TMTC2: variants seen among roughly 807,000 people sequenced by gnomAD.
The protein encoded by TMTC2 is protein O-mannosyl-transferase TMTC2.
TMTC2 carries 43 observed loss-of-function variants against 82.4 expected under a neutral mutation model. The ratio of observed to expected loss-of-function variants is 0.52; its 90% confidence interval spans 0.41 to 0.67. The LOEUF is 0.67. TMTC2 is among the 30% of genes least tolerant of loss of function. The probability of loss-of-function intolerance (pLI) is 0.00; values close to 1 mark genes in which losing one functional copy is unlikely to be tolerated. For missense variants in TMTC2, 919 were observed against 1,012.4 expected (o/e 0.91, Z 1.25); for synonymous variants, 408 against 381.9 (o/e 1.07, Z -0.80).
intron 1 of TMTC2, among the ~76,000 whole-genome samples, chr12:82,776,322 A>T (rs1200802512): frequency 6.6e-6 from 1 of 152,094 alleles, no homozygotes; most frequent in Non-Finnish European, 1.5e-5. Flanking sequence ...GTGTGGTGCT[A>T]TAAGTAGTCC....
At chr12:82,843,669 C>T (rs910619323) in intron 1 of TMTC2, among the ~76,000 whole-genome samples, 5 of 151,704 alleles carry the variant, frequency 3.3e-5, no homozygotes, top group African/African-American at 7.3e-5. Flanking sequence ...TGATTTGGGC[C>T]GGGTGTGGTG....
chr12:82,941,541 C>T lies in TMTC2; in HGVS notation c.1598+10996C>T, dbSNP rs17727549. Among the ~76,000 whole-genome samples, 851 of 152,204 alleles carry T rather than the reference C, an allele frequency of 5.6e-3. 6 individuals are homozygous for T. The highest frequency in any genetic ancestry group is 0.041 in the Middle Eastern group (12 of 294). On this transcript the variant is annotated intron_variant, in intron 4 of 11. Transcript: ENST00000321196. ...CAAGTTTGCTGACCCCTTGTCCTGTCCTTGCAACCTGTCTGACCCACTTCT... is the reference window on the plus strand; with the variant it reads ...CAAGTTTGCTGACCCCTTGTCCTGTTCTTGCAACCTGTCTGACCCACTTCT...
At chr12:82,707,752 A>G (rs1334328311) in intron 1 of TMTC2, among the ~76,000 whole-genome samples, 1 of 152,162 alleles carries the variant, frequency 6.6e-6, no homozygotes, top group Non-Finnish European at 1.5e-5. Context: ...CAGGAAACAC[A>G]CTCTGTTAGG....
chr12:82,872,702 A>G (rs1378810583), intron 2 of TMTC2, among the ~76,000 whole-genome samples: 2 of 152,170 alleles, frequency 1.3e-5, no homozygotes, highest in Non-Finnish European at 1.5e-5. Flanking sequence ...CATGTGTCTA[A>G]TGGTGTCCTA....
intron 11 of TMTC2, among the ~76,000 whole-genome samples, chr12:83,088,792 C>T (rs886863175): frequency 3.9e-5 from 6 of 152,086 alleles, no homozygotes; most frequent in East Asian, 1.9e-4. Flanking sequence ...ACTTCTCTTC[C>T]GGGTTGAGCA....
chr12:82,959,620 T>C lies in TMTC2; in HGVS notation c.1599-5404T>C, dbSNP rs1877808373. Among the ~76,000 whole-genome samples, 4 of 152,226 alleles carry C rather than the reference T, an allele frequency of 2.6e-5. 1 individual carries two copies. The highest frequency in any genetic ancestry group is 2.6e-4 in the Admixed American group (4 of 15,268). On this transcript the variant is annotated intron_variant, in intron 4 of 11. Coordinates refer to ENST00000321196, the MANE Select transcript of TMTC2 (RefSeq NM_152588.3). ...TAATGCTGGGATAGCTGGCTAGCCA[T>C]ATGCATGAAATCAAATTGGATCCCT... is the stretch of plus-strand genomic sequence containing the variant.
chr12:82,829,818 C>T (rs892331811), intron 1 of TMTC2, among the ~76,000 whole-genome samples: 1 of 152,052 alleles, frequency 6.6e-6, no homozygotes, highest in Non-Finnish European at 1.5e-5. Context: ...AGGGAGTCAA[C>T]TAGGTGAAGG....
chr12:82,855,466 A>G lies in TMTC2; in HGVS notation c.84-1544A>G, dbSNP rs1364881967. ...TTGAACATCATTAAGACAGTCTCCC[A>G]CAACATAGTCTTTATCCACACAGAT... On this transcript the variant is annotated intron_variant, in intron 1 of 11. Coordinates refer to ENST00000321196, the MANE Select transcript of TMTC2 (RefSeq NM_152588.3). Among the ~76,000 whole-genome samples, 5 of 152,150 alleles carry G rather than the reference A, an allele frequency of 3.3e-5. No individual in the cohort carries two copies. The East Asian group carries it at 9.6e-4, about 29-fold the overall frequency.
chr12:82,961,493 C>G (rs1416688839), intron 4 of TMTC2, among the ~76,000 whole-genome samples: 2 of 151,998 alleles, frequency 1.3e-5, no homozygotes, highest in East Asian at 3.9e-4. Context: ...TGAAGTATTT[C>G]ATCTCTTTTC....
intron 11 of TMTC2, among the ~76,000 whole-genome samples, chr12:83,105,263 C>T (rs1884356749): frequency 6.6e-6 from 1 of 152,114 alleles, no homozygotes; most frequent in Non-Finnish European, 1.5e-5. Flanking sequence ...CAACCTCTGC[C>T]CATTACCAAG....
chr12:83,130,721 C>G (rs747070936), intron 11 of TMTC2, among the ~76,000 whole-genome samples: 1 of 152,030 alleles, frequency 6.6e-6, no homozygotes, highest in African/African-American at 2.4e-5. Context: ...GAAAATTGAT[C>G]GTGATATTTG....
At chr12:83,060,070 A>T (rs1882685329) in intron 10 of TMTC2, among the ~76,000 whole-genome samples, 1 of 151,610 alleles carries the variant, frequency 6.6e-6, no homozygotes, top group Non-Finnish European at 1.5e-5. Context: ...CTAGTGAGGG[A>T]ATTTTTACTG....
chr12:82,851,477 C>A (rs989351642), intron 1 of TMTC2, among the ~76,000 whole-genome samples: 12 of 152,162 alleles, frequency 7.9e-5, no homozygotes, highest in African/African-American at 2.9e-4. Flanking sequence ...CATTATATTG[C>A]ATGTAATCAT....
In TMTC2 at chr12:82,805,497, C is replaced by CTT. The variant is rs753878105; in HGVS notation, c.84-51486_84-51485dup. On this transcript the variant is annotated intron_variant, in intron 1 of 11. Coordinates refer to ENST00000321196, the MANE Select transcript of TMTC2 (RefSeq NM_152588.3). ...TAGTAAGTTTACTCTCCTCTCCCCA[C>CTT]TTTTTTTTTTTTTTTTTTTTTTTTT... 8.8e-3 allele frequency among the ~76,000 whole-genome samples: 796 copies of CTT among 90,584 alleles called. 142 individuals are homozygous for CTT. The highest frequency in any genetic ancestry group is 0.028 in the African/African-American group (572 of 20,712). The allele number at this position is 90,584 out of a possible 152,430, so 59.4% of individuals were successfully genotyped here. A position where few individuals can be genotyped will look rare whatever the true frequency, so the allele number is the denominator to read the frequency against.
intron 8 of TMTC2, among the ~76,000 whole-genome samples, chr12:83,008,890 T>C (rs1880326055): frequency 6.6e-6 from 1 of 152,218 alleles, no homozygotes; most frequent in Admixed American, 6.5e-5. Flanking sequence ...CCCTTAGTAC[T>C]CTTTCTCTGA....
intron 7 of TMTC2, among the ~76,000 whole-genome samples, chr12:82,982,717 A>G (rs1878976908): frequency 6.6e-6 from 1 of 151,998 alleles, no homozygotes; most frequent in East Asian, 1.9e-4. Flanking sequence ...ACAAGCTAGA[A>G]AATGATTTTC....
intron 4 of TMTC2, among the ~76,000 whole-genome samples, chr12:82,961,710 C>G (rs1369335047): frequency 6.6e-6 from 1 of 152,028 alleles, no homozygotes; most frequent in African/African-American, 2.4e-5. Flanking sequence ...TATTTGGACT[C>G]CAGACCTTTC....
chr12:82,738,714 T>C lies in TMTC2; in HGVS notation c.83+51045T>C, dbSNP rs12229428. ...ATTCTAAATTGTTTGCCACCAAATA[T>C]TTAAAAATTTTGAGGCAATAGTGTC... On this transcript the variant is annotated intron_variant, in intron 1 of 11. Transcript: ENST00000321196. Among the ~76,000 whole-genome samples the C allele has an allele frequency of 1.4e-3, 214 of 152,330 alleles. 4 individuals carry two copies. The East Asian group carries it at 0.035, about 25-fold the overall frequency.
chr12:82,873,433 TG>T (rs1475903019), intron 2 of TMTC2, among the ~76,000 whole-genome samples: 1 of 152,144 alleles, frequency 6.6e-6, no homozygotes, highest in African/African-American at 2.4e-5. Context: ...ATATCTTCTT[TG>T]GGGTTGTGTA....
Sources: allele counts gnomAD v4.1 joint callset (sites outside exome capture counted in the v4.1 genomes callset), GRCh38; gene constraint gnomAD v4.1.1; transcripts MANE v1.5; gene names NCBI Gene and HGNC (gene_info 2026-07-23, HGNC 2026-07-21).